The following TTLL8 variants were observed in gnomAD, a reference collection of about 807,000 sequenced individuals.
TTLL8 encodes protein monoglycylase TTLL8.
Under a neutral mutation model 77.8 loss-of-function variants are expected in TTLL8, and 65 were observed. The observed-to-expected ratio is 0.84, with a 90% CI of 0.68 to 1.03. TTLL8 has a LOEUF of 1.03. TTLL8 is among the 50% of genes least tolerant of loss of function. The pLI, the probability that TTLL8 is intolerant of heterozygous loss-of-function variation, is 0.00. For missense variants in TTLL8, 910 were observed against 1,004.5 expected (o/e 0.91, Z 1.27); for synonymous variants, 402 against 422.8 (o/e 0.95, Z 0.60).
At chr22:50,019,158 G>A (rs76990074) in intron 12 of TTLL8, among the ~76,000 whole-genome samples, 1 of 152,282 alleles carries the variant, frequency 6.6e-6, no homozygotes, top group East Asian at 1.9e-4. Flanking sequence ...TAAGTTTAAC[G>A]TGCAATGAGT....
At chr22:50,021,220 C>CAAT (rs2061196589) in intron 12 of TTLL8, among the ~76,000 whole-genome samples, 1 of 119,516 alleles carries the variant, frequency 8.4e-6, no homozygotes, top group Non-Finnish European at 1.7e-5. Context: ...CTCCATCTGA[C>CAAT]GTGCACTCCT....
At chr22:50,049,700 C>T (rs778823408) in intron 2 of TTLL8, among the ~76,000 whole-genome samples, 5 of 152,154 alleles carry the variant, frequency 3.3e-5, no homozygotes, top group South Asian at 2.1e-4. Context: ...ACATTTGATC[C>T]GGGTCTCAAT....
chr22:50,031,951 G>A (rs755759630), exon 11 of TTLL8: 9 of 1,366,866 alleles, frequency 6.6e-6, no homozygotes, highest in South Asian at 5.7e-5. Context: ...CTTCATGGAC[G>A]GGTAGATGAC....
At chr22:50,048,248 C>T (rs1328042084) in intron 3 of TTLL8, among the ~76,000 whole-genome samples, 1 of 152,044 alleles carries the variant, frequency 6.6e-6, no homozygotes, top group Non-Finnish European at 1.5e-5. Context: ...TAACTGCCAC[C>T]TGCTTCTGTC....
At chr22:50,055,972 C>T (rs2061468680), upstream of TTLL8, among the ~76,000 whole-genome samples, 3 of 152,228 alleles carry the variant, frequency 2.0e-5, no homozygotes, top group East Asian at 1.9e-4. Context: ...TCATAAAGAC[C>T]GTGTTGATAA....
exon 12 of TTLL8, chr22:50,030,564 G>C: frequency 9.2e-6 from 12 of 1,308,302 alleles, no homozygotes; most frequent in Non-Finnish European, 1.2e-5. Flanking sequence ...ACCGGTGTTT[G>C]GGGCCTGACT....
At chr22:50,037,501 A>G (rs1440732650) in intron 8 of TTLL8, among the ~76,000 whole-genome samples, 1 of 152,234 alleles carries the variant, frequency 6.6e-6, no homozygotes, top group East Asian at 1.9e-4. Context: ...CGCCCGGCCC[A>G]ATGTTTTCCC....
At chr22:50,047,860 G>A (rs1220612032) in intron 3 of TTLL8, among the ~76,000 whole-genome samples, 3 of 152,324 alleles carry the variant, frequency 2.0e-5, no homozygotes, top group South Asian at 2.1e-4. Flanking sequence ...CACTTTGGGA[G>A]GCCAAGGCAG....
At chr22:50,033,525 C>G (rs2061314193) in intron 9 of TTLL8, 80 bp from the exon 11 acceptor site, 1 of 1,246,536 alleles carries the variant, frequency 8.0e-7, no homozygotes, top group Non-Finnish European at 1.1e-6. Flanking sequence ...GGGGCAGGGT[C>G]GCAGCTTGGC....
chr22:50,045,311 C>G, exon 6 of TTLL8: 1 of 1,364,462 alleles, frequency 7.3e-7, no homozygotes, highest in African/African-American at 1.5e-5. Context: ...CCTGGGCTTG[C>G]TTCTGCTGCT....
At chr22:50,053,898 C>A (rs1008098461) in intron 1 of TTLL8, among the ~76,000 whole-genome samples, 1 of 151,940 alleles carries the variant, frequency 6.6e-6, no homozygotes, top group Non-Finnish European at 1.5e-5. Context: ...GTGTGTCCGG[C>A]CGTAACATCA....
At chr22:50,019,023 A>G (rs2061180985) in intron 12 of TTLL8, among the ~76,000 whole-genome samples, 1 of 152,218 alleles carries the variant, frequency 6.6e-6, no homozygotes, top group African/African-American at 2.4e-5. Context: ...TAAAAACATT[A>G]TTAAACAGGC....
At position 50,048,231 on chromosome 22, in the gene TTLL8, C is replaced by T. The variant is rs531240316; in HGVS notation, c.265-935G>A. On this transcript the variant is annotated intron_variant, in intron 3 of 13. Coordinates refer to ENST00000266182, the Ensembl canonical transcript of TTLL8. The stretch of plus-strand genomic sequence containing the variant: ...AGAGCCGAAGTCCCCCAGCCGCCCC[C>T]ACCCGGTAACTGCCACCTGCTTCTG... Among the ~76,000 whole-genome samples the T allele has an allele frequency of 1.1e-4, 17 of 152,150 alleles. No homozygotes were observed. In the East Asian group the frequency reaches 3.3e-3, roughly 29 times the overall value.
At position 50,044,531 on chromosome 22, in the gene TTLL8, C is replaced by T. The variant is rs80101768; in HGVS notation, c.643+724G>A. ...TCAGGATTTATTTCCTCTGTTTCCA[C>T]GTTTACCTAGAAGGGCTTTTCCCCT... On this transcript the variant is annotated intron_variant, in intron 6 of 13. Transcript: ENST00000266182. The surrounding 1 kb of genome is among the most constrained non-coding windows in gnomAD (Gnocchi z 4.2). Among the ~76,000 whole-genome samples the T allele has an allele frequency of 0.029, 4,348 of 152,330 alleles. 96 individuals carry two copies. The highest frequency in any genetic ancestry group is 0.055 in the Admixed American group (842 of 15,304).
chr22:50,045,443 G>C (rs2061403379), intron 5 of TTLL8, 54 bp from the exon 8 acceptor site: 1 of 1,347,918 alleles, frequency 7.4e-7, no homozygotes, highest in Non-Finnish European at 9.9e-7. Flanking sequence ...CTGGGGACTG[G>C]AGATGGGGCC....
At chr22:50,057,200 T>TG (rs113498958), upstream of TTLL8, among the ~76,000 whole-genome samples, 8 of 91,518 alleles carry the variant, frequency 8.7e-5, no homozygotes, top group South Asian at 3.8e-4. Context: ...GGGTCAGGTC[T>TG]GGATTAGGGG....
intron 5 of TTLL8, 124 bp downstream of exon 7, chr22:50,045,732 G>C: frequency 8.2e-7 from 1 of 1,216,886 alleles, no homozygotes; most frequent in Non-Finnish European, 1.1e-6. Context: ...CATGACCATG[G>C]GAGGCCTCTC....
chr22:50,037,498 C>A (rs1189712803), intron 8 of TTLL8, among the ~76,000 whole-genome samples: 5 of 152,252 alleles, frequency 3.3e-5, no homozygotes, highest in Non-Finnish European at 5.9e-5. Flanking sequence ...CCACGCCCGG[C>A]CCAATGTTTT....
rs551283456 is a variant in TTLL8, at chr22:50,041,482, GCATCTCA to G, written c.830+132_830+138del. ...GACAGGAGCCCCAACGCCAGGACAG[GCATCTCA>G]ACACTCAATACCCCACAGGTAGCCT... is the stretch of plus-strand genomic sequence containing the variant. On this transcript the variant is annotated intron_variant, in intron 7 of 13. Coordinates refer to ENST00000266182, the Ensembl canonical transcript of TTLL8. This position sits in a 1 kb window ranked among gnomAD's most constrained non-coding sequence, Gnocchi z 4.3. 5.4e-4 allele frequency: 651 copies of G among 1,202,074 alleles called. No individual in the cohort carries two copies. Among genetic ancestry groups the G allele is most frequent in the Non-Finnish European group, 6.7e-4 (631 of 942,456 alleles). The allele number at this position is 1,202,074 out of a possible 1,614,324, so 74.5% of individuals were successfully genotyped here. A position where few individuals can be genotyped will look rare whatever the true frequency, so the allele number is the denominator to read the frequency against.
Sources: gnomAD v4.1 joint callset for allele counts (sites outside exome capture counted in the v4.1 genomes callset) on GRCh38, gnomAD v4.1.1 for gene constraint, Gnocchi (gnomAD v3.1) non-coding constraint, MANE v1.5 for transcripts, NCBI Gene and HGNC (gene_info 2026-07-23, HGNC 2026-07-21) for gene names.